The following RAP2A variants were observed in gnomAD, a reference collection of about 807,000 sequenced individuals.
RAP2A encodes the protein RAP2A, member of RAS oncogene family.
In RAP2A, 5 loss-of-function variants were observed where a neutral mutation model predicts 15.1. The ratio of observed to expected loss-of-function variants is 0.33; its 90% CI spans 0.17 to 0.70. The LOEUF (loss-of-function observed/expected upper bound fraction) is 0.70. Among genes scored for constraint, RAP2A ranks in the 30% least tolerant of loss-of-function variants. The probability of loss-of-function intolerance (pLI) is 0.68; values close to 1 mark genes in which losing one functional copy is unlikely to be tolerated. For synonymous variants in RAP2A, 110 were observed against 99.7 expected, an observed-to-expected ratio of 1.10 and a Z score of -0.62; for missense variants, 111 against 240.3, an observed-to-expected ratio of 0.46 and a Z score of 3.56.
chr13:97,452,294 G>A (rs1262062768), intron 1 of RAP2A, among the ~76,000 whole-genome samples: 5 of 150,856 alleles, frequency 3.3e-5, no homozygotes, highest in South Asian at 2.1e-4. Flanking sequence ...TAATTTGTAC[G>A]GGTGGTGTGA....
chr13:97,464,132 G>GA, intron 1 of RAP2A, 73 bp from the exon 2 acceptor site: 1 of 1,483,936 alleles, frequency 6.7e-7, no homozygotes, highest in Non-Finnish European at 9.3e-7. Context: ...CCCCAAAAAC[G>GA]AAAATACACG....
chr13:97,460,248 A>G (rs1023861528), intron 1 of RAP2A, among the ~76,000 whole-genome samples: 1 of 152,192 alleles, frequency 6.6e-6, no homozygotes, highest in Non-Finnish European at 1.5e-5. Context: ...GCACACTTTC[A>G]TATCTCTTAA....
At chr13:97,452,191 A>G (rs932739430) in intron 1 of RAP2A, among the ~76,000 whole-genome samples, 1 of 151,124 alleles carries the variant, frequency 6.6e-6, no homozygotes, top group African/African-American at 2.4e-5. Context: ...CCTGTTTAAT[A>G]TATCTTTTTC....
intron 1 of RAP2A, among the ~76,000 whole-genome samples, chr13:97,457,699 A>AG (rs1357083167): frequency 3.3e-5 from 5 of 152,280 alleles, no homozygotes; most frequent in Non-Finnish European, 7.4e-5. Context: ...TAAAAGCTAT[A>AG]GGTATACTTA....
chr13:97,454,999 T>C lies in RAP2A; in HGVS notation c.315-9206T>C, dbSNP rs1446276453. Among the ~76,000 whole-genome samples, 5 of 151,540 alleles carry C rather than the reference T, an allele frequency of 3.3e-5. No individual in the cohort carries two copies. The East Asian group carries it at 7.7e-4, about 23-fold the overall frequency. ...AAATTTTCAGTCCTTTTGTTTGTTC[T>C]ATATGTAATGCATTTGTTTCTTTGG... On this transcript the variant is annotated intron_variant, in intron 1 of 1. Coordinates refer to ENST00000245304, the MANE Select transcript of RAP2A (RefSeq NM_021033.7).
In RAP2A at chr13:97,468,958, A is replaced by T. The variant is rs1047885906; in HGVS notation, c.*4516A>T. 2.0e-5 allele frequency: 3 copies of T among 152,232 alleles called. No individual in the cohort carries two copies. Among genetic ancestry groups the T allele is most frequent in the Admixed American group, 6.5e-5 (1 of 15,286 alleles). 9.4% of individuals were successfully genotyped at this position (152,232 alleles called of 1,614,324 possible). On this transcript the variant is annotated 3_prime_UTR_variant, in exon 2 of 2. Coordinates refer to ENST00000245304, the MANE Select transcript of RAP2A (RefSeq NM_021033.7). ...CTCTAGGATCTATGAAGCAGAGAAT[A>T]TTACCACAAACTTCTGAAAGAAGCT...
chr13:97,442,184 T>C (rs1180266295), intron 1 of RAP2A, among the ~76,000 whole-genome samples: 1 of 152,120 alleles, frequency 6.6e-6, no homozygotes, highest in African/African-American at 2.4e-5. Flanking sequence ...TAGTAAAATT[T>C]AAAGTAATCA....
chr13:97,441,500 G>A (rs1043074241), intron 1 of RAP2A, among the ~76,000 whole-genome samples: 1 of 152,036 alleles, frequency 6.6e-6, no homozygotes, highest in Non-Finnish European at 1.5e-5. Flanking sequence ...GCACAATAAG[G>A]TGCATATATT....
In RAP2A at chr13:97,452,648, A is replaced by ATG. The variant is rs1444752793; in HGVS notation, c.315-11557_315-11556insTG. ...TCAAGAATCAGTCACACACACACAC[A>ATG]CGCACACACACACACACACACAACC... is the stretch of plus-strand genomic sequence containing the variant. On this transcript the variant is annotated intron_variant, in intron 1 of 1. Coordinates refer to ENST00000245304, the MANE Select transcript of RAP2A (RefSeq NM_021033.7). Among the ~76,000 whole-genome samples, 24 of 97,044 alleles carry ATG rather than the reference A, an allele frequency of 2.5e-4. 1 individual carries two copies. The highest frequency in any genetic ancestry group is 3.9e-4 in the Non-Finnish European group (16 of 40,562). The allele number at this position is 97,044 out of a possible 152,430, so 63.7% of individuals were successfully genotyped here.
intron 1 of RAP2A, among the ~76,000 whole-genome samples, chr13:97,438,593 T>C (rs1437491885): frequency 6.6e-6 from 1 of 152,170 alleles, no homozygotes; most frequent in Non-Finnish European, 1.5e-5. Context: ...TAGGCATAGA[T>C]GAGTTAAAAG....
chr13:97,460,818 T>G (rs1236628839), intron 1 of RAP2A, among the ~76,000 whole-genome samples: 1 of 152,174 alleles, frequency 6.6e-6, no homozygotes, highest in Non-Finnish European at 1.5e-5. Flanking sequence ...CCATGGATGT[T>G]CAGCACAGGG....
At position 97,464,299 on chromosome 13, in the gene RAP2A, G is replaced by A; in HGVS notation, c.409G>A (p.Glu137Lys). Residue 137 changes from glutamate to lysine, a missense_variant, in exon 2 of 2, where the codon GAG becomes AAG. Glu to Lys is a moderately conservative substitution (Grantham distance 56, BLOSUM62 1). Around this residue, in one of 3 missense-constraint regions of RAP2A, gnomAD observed 74 missense variants for 132.3 expected, o/e 0.56. Transcript: ENST00000245304. ...SSSEGRALAE[E>K]WGCPFMETSA... ...CAGCGAAGGCAGAGCCCTTGCTGAA[G>A]AGTGGGGCTGCCCCTTTATGGAAAC... 2 of 1,614,246 alleles carry A rather than the reference G, an allele frequency of 1.2e-6. No homozygotes were observed. Among genetic ancestry groups the A allele is most frequent in the Non-Finnish European group, 8.5e-7 (1 of 1,180,046 alleles).
intron 1 of RAP2A, among the ~76,000 whole-genome samples, chr13:97,449,298 A>G (rs1362217204): frequency 6.6e-6 from 1 of 152,204 alleles, no homozygotes; most frequent in African/African-American, 2.4e-5. Flanking sequence ...GTAGCATAGG[A>G]TAGAGTAGAA....
At chr13:97,441,348 G>A (rs2066656849) in intron 1 of RAP2A, among the ~76,000 whole-genome samples, 1 of 152,082 alleles carries the variant, frequency 6.6e-6, no homozygotes, top group African/African-American at 2.4e-5. Flanking sequence ...TTAAGGAAGA[G>A]GTAGAGGAAC....
Position 97,464,296 on chromosome 13 carries a change from G to C in RAP2A, c.406G>C (p.Glu136Gln). The C allele has an allele frequency of 6.2e-7, 1 of 1,614,236 alleles. No homozygotes were observed. The highest frequency in any genetic ancestry group is 8.5e-7 in the Non-Finnish European group (1 of 1,180,046). Reference sequence around the variant, plus strand: ...GTCCAGCGAAGGCAGAGCCCTTGCTGAAGAGTGGGGCTGCCCCTTTATGGA... The same window carrying C: ...GTCCAGCGAAGGCAGAGCCCTTGCTCAAGAGTGGGGCTGCCCCTTTATGGA... Reference protein sequence around the residue: ...VSSSEGRALAEEWGCPFMETS... With the variant: ...VSSSEGRALAQEWGCPFMETS... Residue 136 changes from glutamate (E) to glutamine (Q), a missense_variant, in exon 2 of 2, where the codon GAA becomes CAA. By Grantham distance (29) the Glu-to-Gln change is conservative. Around this residue, in one of 3 missense-constraint regions of RAP2A, gnomAD observed 74 missense variants for 132.3 expected, o/e 0.56. Transcript: ENST00000245304.
chr13:97,445,843 C>T (rs1277060252), intron 1 of RAP2A, among the ~76,000 whole-genome samples: 1 of 152,052 alleles, frequency 6.6e-6, no homozygotes, highest in African/African-American at 2.4e-5. Flanking sequence ...TAGGATGCCT[C>T]CCAGAGGTAT....
chr13:97,459,534 G>C (rs985844520), intron 1 of RAP2A, among the ~76,000 whole-genome samples: 3 of 152,214 alleles, frequency 2.0e-5, no homozygotes, highest in Non-Finnish European at 4.4e-5. Context: ...AGGCTGTAGA[G>C]ATGGATCCCA....
rs2066625363 is a variant in RAP2A at position 97,434,771 on chromosome 13, A to T, written c.301A>T (p.Ile101Phe). ...QDIKPMRDQI[I>F]RVKRYEKVPV... Reference sequence around the variant, plus strand: ...CATCAAGCCCATGCGGGACCAGATCATCCGCGTGAAGCGGTGAGCGAGGGC... The same window carrying T: ...CATCAAGCCCATGCGGGACCAGATCTTCCGCGTGAAGCGGTGAGCGAGGGC... The change falls in exon 1 of 2, where the codon ATC becomes TTC. Residue 101 changes from isoleucine to phenylalanine, a missense_variant. This residue lies in a region of RAP2A where 74 missense variants were observed against 132.3 expected (regional missense o/e 0.56). Transcript: ENST00000245304. 1 of 1,613,870 alleles carries T rather than the reference A, an allele frequency of 6.2e-7. No individual in the cohort carries two copies. Among genetic ancestry groups the T allele is most frequent in the African/African-American group, 1.3e-5 (1 of 74,922 alleles).
chr13:97,460,282 C>G (rs2066740741), intron 1 of RAP2A, among the ~76,000 whole-genome samples: 2 of 152,204 alleles, frequency 1.3e-5, no homozygotes, highest in African/African-American at 4.8e-5. Flanking sequence ...GGACGTTATT[C>G]TTAGAACAGT....
Sources: allele counts gnomAD v4.1 joint callset (sites outside exome capture counted in the v4.1 genomes callset), GRCh38; gene constraint gnomAD v4.1.1; regional missense constraint gnomAD v4.1.1; transcripts MANE v1.5; gene names NCBI Gene and HGNC (gene_info 2026-07-23, HGNC 2026-07-21).